Variants in NTRK3 observed in about 807,000 individuals in gnomAD.
The protein encoded by NTRK3 is NT-3 growth factor receptor.
In NTRK3, 24 loss-of-function variants were observed where a neutral mutation model predicts 91.7. The ratio of observed to expected loss-of-function variants is 0.26; its 90% CI spans 0.19 to 0.37. NTRK3 has a LOEUF of 0.37. Among genes scored for constraint, NTRK3 ranks in the 10% least tolerant of loss-of-function variants. The pLI, the probability that NTRK3 is intolerant of heterozygous loss-of-function variation, is 1.00. For synonymous variants in NTRK3, 483 were observed against 404.0 expected, an observed-to-expected ratio of 1.20 and a Z score of -2.34; for missense variants, 880 against 1,068.9, an observed-to-expected ratio of 0.82 and a Z score of 2.46.
chr15:88,048,111 A>G (rs547182446), intron 13 of NTRK3, among the ~76,000 whole-genome samples: 1 of 152,254 alleles, frequency 6.6e-6, no homozygotes, highest in Admixed American at 6.5e-5. Flanking sequence ...CGACGCAGCC[A>G]TTGATTTTCC....
rs181149963 is a variant in NTRK3 at position 88,180,999 on chromosome 15, C to T, written c.395+2419G>A. On this transcript the variant is annotated intron_variant, in intron 5 of 18. Coordinates refer to ENST00000394480, the Ensembl canonical transcript of NTRK3. ...CTCGTCTCTCTGCGACCCCCAGGCT[C>T]CTCTGGGCATCCCACTGTGCCTATG... is the stretch of plus-strand genomic sequence containing the variant. Among the ~76,000 whole-genome samples, 5 of 152,302 alleles carry T rather than the reference C, an allele frequency of 3.3e-5. No homozygotes were observed. In the East Asian group the frequency reaches 7.7e-4, roughly 24 times the overall value.
chr15:88,048,193 A>G (rs1168222697), intron 13 of NTRK3, among the ~76,000 whole-genome samples: 1 of 152,184 alleles, frequency 6.6e-6, no homozygotes, highest in Non-Finnish European at 1.5e-5. Context: ...ATCTTAGGCC[A>G]TCTTGATCTA....
At chr15:87,931,622 A>G (rs1401814338) in intron 16 of NTRK3, among the ~76,000 whole-genome samples, 1 of 152,236 alleles carries the variant, frequency 6.6e-6, no homozygotes, top group Admixed American at 6.5e-5. Flanking sequence ...CTAAAGACAA[A>G]GTTCTCCAGG....
chr15:88,073,271 G>A (rs2047245764), intron 13 of NTRK3, among the ~76,000 whole-genome samples: 2 of 152,202 alleles, frequency 1.3e-5, no homozygotes, highest in Non-Finnish European at 2.9e-5. Flanking sequence ...AGCCCTCTGT[G>A]TAATGCTAAT....
At chr15:88,011,444 A>G (rs968318976) in intron 14 of NTRK3, among the ~76,000 whole-genome samples, 3 of 152,192 alleles carry the variant, frequency 2.0e-5, no homozygotes, top group African/African-American at 7.2e-5. Flanking sequence ...AGATGTCTCA[A>G]CTCAACACAC....
chr15:88,006,129 G>A (rs1393915682), intron 14 of NTRK3, among the ~76,000 whole-genome samples: 3 of 152,180 alleles, frequency 2.0e-5, no homozygotes, highest in Non-Finnish European at 4.4e-5. Flanking sequence ...AAGTAAAAAT[G>A]TTCATTACCA....
chr15:88,219,434 T>A (rs914415519), intron 3 of NTRK3, among the ~76,000 whole-genome samples: 1 of 152,226 alleles, frequency 6.6e-6, no homozygotes, highest in Non-Finnish European at 1.5e-5. Flanking sequence ...TCCCTCACTG[T>A]GCAGGGCTGG....
At chr15:88,040,802 A>G (rs571708484) in intron 13 of NTRK3, among the ~76,000 whole-genome samples, 1 of 152,232 alleles carries the variant, frequency 6.6e-6, no homozygotes, top group East Asian at 1.9e-4. Flanking sequence ...GAGGGAAAAT[A>G]AAACTGACAT....
intron 13 of NTRK3, among the ~76,000 whole-genome samples, chr15:88,092,279 T>C (rs963714359): frequency 6.6e-6 from 1 of 152,228 alleles, no homozygotes; most frequent in Non-Finnish European, 1.5e-5. Flanking sequence ...CTCTAGTCAC[T>C]GAAGCTCCTT....
At chr15:87,954,377 A>C (rs986452928) in intron 14 of NTRK3, among the ~76,000 whole-genome samples, 24 of 152,190 alleles carry the variant, frequency 1.6e-4, no homozygotes, top group African/African-American at 4.1e-4. Context: ...AGGCTGAATG[A>C]CCAGACAGCT....
chr15:88,029,665 T>C (rs1382658815), intron 14 of NTRK3, among the ~76,000 whole-genome samples: 1 of 152,242 alleles, frequency 6.6e-6, no homozygotes, highest in African/African-American at 2.4e-5. Flanking sequence ...ATTTTTATTC[T>C]CTTAACCTTC....
chr15:87,874,049 C>T, exon 19 of NTRK3: 2 of 228,626 alleles, frequency 8.7e-6, no homozygotes, highest in Admixed American at 1.1e-4. Flanking sequence ...CCTTATTCTG[C>T]AGATGGGGAA....
chr15:88,255,976 G>T lies in NTRK3; in HGVS notation c.178C>A (p.Gln60Lys). 6.2e-7 allele frequency: 1 copy of T among 1,613,574 alleles called. No homozygotes were observed. ...TTCCCATTGCTGTTCCCTGAATCCT[G>T]CCCTTCCAGGAGGGGGAAGAGGTTC... The change falls in exon 3 of 19, where the codon CAG becomes AAG. Residue 60 changes from glutamine (Q) to lysine (K), a missense_variant. By Grantham distance (53) the Gln-to-Lys change is moderately conservative. Around this residue, in one of 3 missense-constraint regions of NTRK3, gnomAD observed 743 missense variants for 868.6 expected, o/e 0.86. Transcript: ENST00000394480. This position sits in a 1 kb window ranked among gnomAD's most constrained non-coding sequence, Gnocchi z 4.3.
At chr15:88,129,360 C>T (rs1386991058) in intron 10 of NTRK3, among the ~76,000 whole-genome samples, 1 of 152,218 alleles carries the variant, frequency 6.6e-6, no homozygotes, top group Non-Finnish European at 1.5e-5. Flanking sequence ...GCACATCACT[C>T]AATCCTTATT....
At chr15:88,227,284 T>C (rs1228962814) in intron 3 of NTRK3, among the ~76,000 whole-genome samples, 2 of 152,200 alleles carry the variant, frequency 1.3e-5, no homozygotes, top group Non-Finnish European at 2.9e-5. Flanking sequence ...AGCTTTCCCT[T>C]GGTGTTAGGA....
In NTRK3 at chr15:88,038,854, A is replaced by T. The variant is rs564998151; in HGVS notation, c.1397-5809T>A. ...AGAGACACCAACATGTTACTCCATG[A>T]AACTCTGGCCAGTTCTCACATCACT... On this transcript the variant is annotated intron_variant, in intron 13 of 18. Transcript: ENST00000394480. Among the ~76,000 whole-genome samples the T allele has an allele frequency of 5.9e-5, 9 of 152,226 alleles. No individual in the cohort carries two copies. The East Asian group carries it at 1.5e-3, about 26-fold the overall frequency.
chr15:87,906,959 T>C (rs1034525528), intron 17 of NTRK3, among the ~76,000 whole-genome samples: 1 of 152,194 alleles, frequency 6.6e-6, no homozygotes, highest in Non-Finnish European at 1.5e-5. Flanking sequence ...CAACAATAAC[T>C]CAGGATACAT....
chr15:88,203,478 C>A (rs1471188792), intron 3 of NTRK3, among the ~76,000 whole-genome samples: 3 of 152,168 alleles, frequency 2.0e-5, no homozygotes, highest in African/African-American at 7.2e-5. Flanking sequence ...CCCATAACCA[C>A]CCTAACGAAC....
At chr15:87,890,218 G>A (rs1323328588) in intron 17 of NTRK3, among the ~76,000 whole-genome samples, 3 of 151,972 alleles carry the variant, frequency 2.0e-5, no homozygotes, top group Admixed American at 1.3e-4. Context: ...GTGATGTTAA[G>A]ACTGATCAGT....
Sources: allele counts gnomAD v4.1 joint callset (sites outside exome capture counted in the v4.1 genomes callset), GRCh38; gene constraint gnomAD v4.1.1; regional missense constraint gnomAD v4.1.1; non-coding constraint Gnocchi (gnomAD v3.1); transcripts MANE v1.5; gene names NCBI Gene and HGNC (gene_info 2026-07-23, HGNC 2026-07-21).